FNBP1: variants seen among roughly 807,000 people sequenced by gnomAD.
FNBP1 encodes formin-binding protein 1.
Under a neutral mutation model 90.6 loss-of-function variants are expected in FNBP1, and 26 were observed. The ratio of observed to expected loss-of-function variants is 0.29; its 90% confidence interval spans 0.21 to 0.40. The LOEUF is 0.40. FNBP1 is among the 10% of genes least tolerant of loss of function. The pLI is 1.00. For synonymous variants in FNBP1, 260 were observed against 265.2 expected (o/e 0.98, Z 0.19); for missense variants, 635 against 768.0 (o/e 0.83, Z 2.05).
chr9:129,926,573 T>C (rs532200283), intron 8 of FNBP1, among the ~76,000 whole-genome samples: 16 of 152,018 alleles, frequency 1.1e-4, no homozygotes, highest in Non-Finnish European at 2.1e-4. Context: ...TGGCCTGAGA[T>C]AATGTCAAAA....
At chr9:129,956,011 C>T (rs1265664272) in intron 6 of FNBP1, among the ~76,000 whole-genome samples, 1 of 151,986 alleles carries the variant, frequency 6.6e-6, no homozygotes, top group Non-Finnish European at 1.5e-5. Flanking sequence ...GTAAGTATCT[C>T]CATTTTGAGA....
rs1210959601 is a variant in FNBP1, at chr9:129,973,817, C to CT, written c.345+4647dup. Among the ~76,000 whole-genome samples, 626 of 125,988 alleles carry CT rather than the reference C, an allele frequency of 5.0e-3. 3 individuals carry two copies. Among genetic ancestry groups the CT allele is most frequent in the African/African-American group, 0.01 (342 of 34,056 alleles). The allele number at this position is 125,988 out of a possible 152,430, so 82.7% of individuals were successfully genotyped here. A position where few individuals can be genotyped will look rare whatever the true frequency, so the allele number is the denominator to read the frequency against. On this transcript the variant is annotated intron_variant, in intron 4 of 16. Transcript: ENST00000446176. ...CGCGCCTGGCCTCTTCTTTTTTTTT[C>CT]TTTTTTTTTTTGAGACAGGGTCTCA... is the stretch of plus-strand genomic sequence containing the variant.
intron 2 of FNBP1, among the ~76,000 whole-genome samples, chr9:129,990,268 A>G (rs2052920238): frequency 6.6e-6 from 1 of 152,234 alleles, no homozygotes; most frequent in Non-Finnish European, 1.5e-5. Context: ...TAAACAAGAA[A>G]ACTATATAAA....
intron 2 of FNBP1, among the ~76,000 whole-genome samples, chr9:129,982,246 G>T (rs1388329560): frequency 6.6e-6 from 1 of 152,208 alleles, no homozygotes; most frequent in Non-Finnish European, 1.5e-5. Context: ...GCCAAGGTGG[G>T]CAGATCACAA....
At chr9:129,899,587 G>C (rs1019865108) in intron 15 of FNBP1, among the ~76,000 whole-genome samples, 1 of 152,058 alleles carries the variant, frequency 6.6e-6, no homozygotes. Flanking sequence ...AAATGAGCCG[G>C]ACATGGTGGT....
At chr9:130,034,654 A>T (rs2132251700) in intron 1 of FNBP1, among the ~76,000 whole-genome samples, 1 of 152,378 alleles carries the variant, frequency 6.6e-6, no homozygotes, top group South Asian at 2.1e-4. Context: ...ATTACTAGAC[A>T]TCTATGAAGC....
chr9:130,037,436 T>C (rs1238092581), intron 1 of FNBP1, among the ~76,000 whole-genome samples: 1 of 152,150 alleles, frequency 6.6e-6, no homozygotes, highest in African/African-American at 2.4e-5. Context: ...TCAAGGGCAG[T>C]AAGAAGAGGT....
intron 1 of FNBP1, among the ~76,000 whole-genome samples, chr9:129,997,961 C>T (rs932351581): frequency 4.7e-5 from 7 of 149,150 alleles, no homozygotes; most frequent in African/African-American, 1.5e-4. Context: ...CCATGGTGGG[C>T]GGATCACTTG....
At chr9:130,022,065 G>A (rs2057885565) in intron 1 of FNBP1, among the ~76,000 whole-genome samples, 1 of 152,036 alleles carries the variant, frequency 6.6e-6, no homozygotes, top group African/African-American at 2.4e-5. Context: ...CACCATGTTG[G>A]CCAGGCTGGT....
chr9:129,965,448 C>T (rs2048409701), intron 4 of FNBP1, among the ~76,000 whole-genome samples: 2 of 152,188 alleles, frequency 1.3e-5, no homozygotes, highest in East Asian at 1.9e-4. Context: ...TTTTCCCTCC[C>T]TCCTTCTCTG....
At chr9:129,895,573 G>T (rs933335508) in intron 16 of FNBP1, 7 of 1,233,804 alleles carry the variant, frequency 5.7e-6, no homozygotes, top group Non-Finnish European at 7.1e-6. Context: ...ATCAGATTTT[G>T]AATGACATAG....
chr9:129,902,832 G>A (rs777036471), intron 13 of FNBP1, 37 bp downstream of exon 13: 25 of 1,608,496 alleles, frequency 1.6e-5, no homozygotes, highest in East Asian at 8.9e-5. Flanking sequence ...CCTGTTCTTC[G>A]TTTCCAACAA....
chr9:129,986,301 C>T (rs1411520159), intron 2 of FNBP1, among the ~76,000 whole-genome samples: 2 of 151,792 alleles, frequency 1.3e-5, no homozygotes, highest in Non-Finnish European at 2.9e-5. Flanking sequence ...AGTAAAAACA[C>T]AAAGGCAATA....
At position 130,043,063 on chromosome 9, in the gene FNBP1, C is replaced by G. The variant is rs2059985434; in HGVS notation, c.-88G>C. On this transcript the variant is annotated 5_prime_UTR_variant, in exon 1 of 17. Coordinates refer to ENST00000446176, the MANE Select transcript of FNBP1 (RefSeq NM_015033.3). ...GCGATCCCTTTGCCCCCCGAGATCC[C>G]CGCGACGGCGGAAAGCCCGGAGTCC... 1 of 1,182,298 alleles carries G rather than the reference C, an allele frequency of 8.5e-7. No homozygotes were observed. The highest frequency in any genetic ancestry group is 1.6e-5 in the African/African-American group (1 of 63,046). 73.2% of individuals were successfully genotyped at this position (1,182,298 alleles called of 1,614,324 possible).
chr9:129,971,414 A>G (rs1384408549), intron 4 of FNBP1, among the ~76,000 whole-genome samples: 1 of 151,896 alleles, frequency 6.6e-6, no homozygotes, highest in African/African-American at 2.4e-5. Flanking sequence ...TTTTTAAGAC[A>G]GAGTCTCACT....
chr9:129,890,255 TCC>T lies in FNBP1; in HGVS notation c.*282_*283del. The T allele has an allele frequency of 2.1e-5, 11 of 515,394 alleles. No individual in the cohort carries two copies. The highest frequency in any genetic ancestry group is 7.2e-5 in the Admixed American group (2 of 27,860). 31.9% of individuals were successfully genotyped at this position (515,394 alleles called of 1,614,324 possible). ...AGGAAGGAGCAGGTAGGGGCGTGTG[TCC>T]CACCGTCTCAGTGGCCTGCGCGGGG... On this transcript the variant is annotated 3_prime_UTR_variant, in exon 17 of 17. Transcript: ENST00000446176. The surrounding 1 kb of genome is among the most constrained non-coding windows in gnomAD (Gnocchi z 5.8).
Position 129,890,316 on chromosome 9 carries a change from C to T in FNBP1, c.*223G>A, listed in dbSNP as rs193019120. On this transcript the variant is annotated 3_prime_UTR_variant, in exon 17 of 17. Transcript: ENST00000446176. The surrounding 1 kb of genome is among the most constrained non-coding windows in gnomAD (Gnocchi z 5.8). ...GGGAGCGATGAGGACTGACCCGAGC[C>T]ATGGGGGTGGGCGCTGGCGAGACTT... 2.7e-5 allele frequency: 16 copies of T among 593,478 alleles called. No individual in the cohort carries two copies. In the Admixed American group the frequency reaches 4.8e-4, roughly 18 times the overall value. The allele number at this position is 593,478 out of a possible 1,614,324, so 36.8% of individuals were successfully genotyped here. A position where few individuals can be genotyped will look rare whatever the true frequency, so the allele number is the denominator to read the frequency against.
chr9:130,001,984 C>T (rs1047605452), intron 1 of FNBP1, among the ~76,000 whole-genome samples: 11 of 150,176 alleles, frequency 7.3e-5, no homozygotes, highest in Non-Finnish European at 1.3e-4. Flanking sequence ...ACTGAGATCG[C>T]GCCACTGCAC....
chr9:130,040,205 T>C (rs2059697845), intron 1 of FNBP1, among the ~76,000 whole-genome samples: 1 of 152,248 alleles, frequency 6.6e-6, no homozygotes, highest in African/African-American at 2.4e-5. Context: ...CTTATACATC[T>C]TTGCATTTCA....
Sources: gnomAD v4.1 joint callset for allele counts (sites outside exome capture counted in the v4.1 genomes callset) on GRCh38, gnomAD v4.1.1 for gene constraint, Gnocchi (gnomAD v3.1) non-coding constraint, MANE v1.5 for transcripts, NCBI Gene and HGNC (gene_info 2026-07-23, HGNC 2026-07-21) for gene names.